Variants in FOXP2 observed in about 807,000 individuals in gnomAD.
FOXP2 encodes the protein forkhead box P2, also known as forkhead box protein P2.
FOXP2 carries 12 observed loss-of-function variants against 115.8 expected under a neutral mutation model. The observed-to-expected ratio is 0.10, with a 90% confidence interval of 0.07 to 0.17. FOXP2 has a LOEUF of 0.17. FOXP2 is among the 10% of genes least tolerant of loss of function. The pLI, the probability that FOXP2 is intolerant of heterozygous loss-of-function variation, is 1.00. For synonymous variants in FOXP2, 328 were observed against 297.7 expected, an observed-to-expected ratio of 1.10 and a Z score of -1.05; for missense variants, 629 against 843.5, an observed-to-expected ratio of 0.75 and a Z score of 3.15.
intron 3 of FOXP2, among the ~76,000 whole-genome samples, chr7:114,578,909 C>A (rs2129300186): frequency 6.6e-6 from 1 of 152,160 alleles, no homozygotes; most frequent in South Asian, 2.1e-4. Context: ...TTTATTAGGA[C>A]TTCAGCTAGG....
intron 1 of FOXP2, among the ~76,000 whole-genome samples, chr7:114,130,985 CTG>C (rs1319928683): frequency 6.6e-6 from 1 of 152,210 alleles, no homozygotes; most frequent in Admixed American, 6.5e-5. Flanking sequence ...TGTTTCATCA[CTG>C]TGAACTTCGC....
At chr7:114,642,806 ATATATATT>A (rs1390951322) in intron 7 of FOXP2, among the ~76,000 whole-genome samples, 183 bp downstream of exon 7, 24 of 43,108 alleles carry the variant, frequency 5.6e-4, no homozygotes, top group African/African-American at 1.7e-3. Flanking sequence ...ATATATATAT[ATATATATT>A]TTTTTTTTTT....
At chr7:114,417,249 T>C (rs191014628) in intron 1 of FOXP2, among the ~76,000 whole-genome samples, 1 of 152,110 alleles carries the variant, frequency 6.6e-6, no homozygotes, top group Non-Finnish European at 1.5e-5. Context: ...AATAGGTTCT[T>C]TAGTGCAATA....
intron 1 of FOXP2, among the ~76,000 whole-genome samples, chr7:114,421,652 C>T (rs377544215): frequency 6.6e-6 from 1 of 151,608 alleles, no homozygotes; most frequent in East Asian, 1.9e-4. Context: ...CTTGCTATAA[C>T]AGATAACCTT....
intron 10 of FOXP2, among the ~76,000 whole-genome samples, chr7:114,657,040 C>G (rs1262827800): frequency 1.3e-5 from 2 of 152,130 alleles, no homozygotes; most frequent in Non-Finnish European, 2.9e-5. Flanking sequence ...GTATAGCCTA[C>G]TGTATAAAGT....
At chr7:114,205,156 A>T (rs180834044) in intron 1 of FOXP2, among the ~76,000 whole-genome samples, 50 of 152,302 alleles carry the variant, frequency 3.3e-4, no homozygotes, top group Admixed American at 3.2e-3. Flanking sequence ...ATTTTATAAA[A>T]AAGAATTACT....
intron 2 of FOXP2, among the ~76,000 whole-genome samples, chr7:114,298,288 C>T (rs1796793776): frequency 6.6e-6 from 1 of 152,116 alleles, no homozygotes; most frequent in African/African-American, 2.4e-5. Context: ...TCTCTCTGTT[C>T]GCCACTTGTT....
At chr7:114,245,507 T>C (rs182365339) in intron 1 of FOXP2, among the ~76,000 whole-genome samples, 43 of 152,316 alleles carry the variant, frequency 2.8e-4, no homozygotes, top group Admixed American at 2.0e-3. Context: ...TATCTATATA[T>C]CCAACTTAAC....
chr7:114,658,337 A>G, intron 11 of FOXP2, 70 bp downstream of exon 11: 4 of 1,463,540 alleles, frequency 2.7e-6, no homozygotes, highest in East Asian at 2.3e-5. Context: ...TCAACTGTAC[A>G]TGAGCCATTC....
At chr7:114,649,811 G>T (rs1393773477) in intron 8 of FOXP2, among the ~76,000 whole-genome samples, 2 of 152,008 alleles carry the variant, frequency 1.3e-5, no homozygotes, top group Non-Finnish European at 2.9e-5. Flanking sequence ...TCCACTGGAG[G>T]CTGTTCTATA....
At chr7:114,683,182 T>G (rs1021804868) in intron 16 of FOXP2, among the ~76,000 whole-genome samples, 1 of 152,192 alleles carries the variant, frequency 6.6e-6, no homozygotes, top group African/African-American at 2.4e-5. Flanking sequence ...TCTTCTCTAT[T>G]AGAATTAGTA....
rs902301853 is a variant in FOXP2 at position 114,631,520 on chromosome 7, G to C, written c.598-8G>C. The C allele has an allele frequency of 6.4e-7, 1 of 1,559,132 alleles. No individual in the cohort carries two copies. Among genetic ancestry groups the C allele is most frequent in the Non-Finnish European group, 8.7e-7 (1 of 1,151,134 alleles). On this transcript the variant is annotated splice_region_variant and splice_polypyrimidine_tract_variant and intron_variant, in intron 5 of 16. Transcript: ENST00000350908. ...TGCTGTTTACTGGTTTGGGTTTTCTGATACCAGCAGCAGCAGCAGCAGCAG... is the reference window on the plus strand; with the variant it reads ...TGCTGTTTACTGGTTTGGGTTTTCTCATACCAGCAGCAGCAGCAGCAGCAG...
rs181154096 is a variant in FOXP2 at position 114,214,661 on chromosome 7, C to T, written c.-102+51573C>T. 1.3e-3 allele frequency among the ~76,000 whole-genome samples: 196 copies of T among 152,242 alleles called. 2 individuals carry two copies. The highest frequency in any genetic ancestry group is 4.4e-3 in the African/African-American group (184 of 41,554). Reference sequence around the variant, plus strand: ...GGCCACAGAGCTCTGCAGGTTGGCCCTACCTCTGCTGGGGTCGTTGCTCAG... The same window carrying T: ...GGCCACAGAGCTCTGCAGGTTGGCCTTACCTCTGCTGGGGTCGTTGCTCAG... On this transcript the variant is annotated intron_variant, in intron 1 of 17. Transcript: ENST00000634411.
chr7:114,172,389 T>C (rs1368977992), intron 1 of FOXP2, among the ~76,000 whole-genome samples: 1 of 152,180 alleles, frequency 6.6e-6, no homozygotes, highest in Non-Finnish European at 1.5e-5. Flanking sequence ...AGAAGATTTT[T>C]ATGGTAGTGC....
chr7:114,232,784 G>T (rs949786478), intron 1 of FOXP2, among the ~76,000 whole-genome samples: 6 of 149,854 alleles, frequency 4.0e-5, no homozygotes, highest in Admixed American at 1.3e-4. Context: ...TTGCGCTCTA[G>T]CCTGGGCAAG....
intron 1 of FOXP2, among the ~76,000 whole-genome samples, chr7:114,198,226 A>G (rs537433083): frequency 6.6e-6 from 1 of 152,262 alleles, no homozygotes; most frequent in East Asian, 1.9e-4. Flanking sequence ...AGTACATCTA[A>G]GCAGTGAGCC....
At chr7:114,303,240 G>A (rs184684967) in intron 2 of FOXP2, among the ~76,000 whole-genome samples, 14 of 152,230 alleles carry the variant, frequency 9.2e-5, no homozygotes, top group East Asian at 7.7e-4. Context: ...ATTTTTGAAG[G>A]ATAAAATTGA....
rs762401218 is a variant in FOXP2, at chr7:114,691,890, C to T, written c.*1964C>T. 2.0e-5 allele frequency: 9 copies of T among 451,956 alleles called. No individual in the cohort carries two copies. Among genetic ancestry groups the T allele is most frequent in the Non-Finnish European group, 4.0e-5 (9 of 226,262 alleles). 28.0% of individuals were successfully genotyped at this position (451,956 alleles called of 1,614,324 possible). The stretch of plus-strand genomic sequence containing the variant: ...CATAACGGCTTTCAAAAGGGTTTTC[C>T]CACTTACCCAAAAGGCTTTCTGAAA... On this transcript the variant is annotated 3_prime_UTR_variant, in exon 17 of 17. Coordinates refer to ENST00000350908, the MANE Select transcript of FOXP2 (RefSeq NM_014491.4).
chr7:114,164,831 G>A (rs955060726), intron 1 of FOXP2, among the ~76,000 whole-genome samples: 1 of 152,108 alleles, frequency 6.6e-6, no homozygotes, highest in African/African-American at 2.4e-5. Flanking sequence ...TGAAGAATTG[G>A]AAAATAATGC....
Sources: allele counts gnomAD v4.1 joint callset (sites outside exome capture counted in the v4.1 genomes callset), GRCh38; gene constraint gnomAD v4.1.1; transcripts MANE v1.5; gene names NCBI Gene and HGNC (gene_info 2026-07-23, HGNC 2026-07-21).